FTO: variants seen among roughly 807,000 people sequenced by gnomAD.
FTO encodes alpha-ketoglutarate-dependent dioxygenase FTO.
Under a neutral mutation model 63.9 loss-of-function variants are expected in FTO, and 47 were observed. The observed-to-expected ratio is 0.74, with a 90% CI of 0.58 to 0.94. The LOEUF is 0.94. Ranked by LOEUF, FTO falls within the 40% of genes least tolerant of loss-of-function variation. FTO has a pLI of 0.00. For synonymous variants in FTO, 207 were observed against 224.4 expected (o/e 0.92, Z 0.69); for missense variants, 562 against 618.1 (o/e 0.91, Z 0.96).
At chr16:54,111,709 G>C in intron 8 of FTO, 53 bp from the exon 9 acceptor site, 2 of 1,603,702 alleles carry the variant, frequency 1.2e-6, no homozygotes, top group East Asian at 2.2e-5. Flanking sequence ...TGTGGGTTGG[G>C]GTCTTCTGGG....
chr16:53,770,857 T>C (rs761467427), intron 1 of FTO, among the ~76,000 whole-genome samples: 3 of 152,120 alleles, frequency 2.0e-5, no homozygotes, highest in Non-Finnish European at 2.9e-5. Context: ...GATAGATTTC[T>C]TAAATTCTTC....
chr16:54,004,777 A>G (rs1004376802), intron 8 of FTO, among the ~76,000 whole-genome samples: 5 of 152,170 alleles, frequency 3.3e-5, no homozygotes, highest in Admixed American at 3.3e-4. Context: ...TGAAGTAGAA[A>G]TTCATTGGAG....
At chr16:53,846,822 A>AG (rs1185507760) in intron 4 of FTO, among the ~76,000 whole-genome samples, 1 of 147,720 alleles carries the variant, frequency 6.8e-6, no homozygotes, top group Non-Finnish European at 1.5e-5. Context: ...AAAAAAAAAA[A>AG]GTAAATAAGT....
At chr16:53,964,623 C>CA (rs1346270006) in intron 8 of FTO, among the ~76,000 whole-genome samples, 2 of 152,168 alleles carry the variant, frequency 1.3e-5, no homozygotes, top group African/African-American at 4.8e-5. Context: ...TCCCAGACTT[C>CA]AAATTGCAGT....
At chr16:54,073,055 A>G (rs1476632181) in intron 8 of FTO, among the ~76,000 whole-genome samples, 1 of 152,230 alleles carries the variant, frequency 6.6e-6, no homozygotes, top group East Asian at 1.9e-4. Flanking sequence ...AAATCAAGTG[A>G]GTTAAAACAC....
In FTO at chr16:53,831,281, C is replaced by CT. The variant is rs558495983; in HGVS notation, c.751+4798dup. On this transcript the variant is annotated intron_variant, in intron 3 of 8. Transcript: ENST00000471389. ...AAATCTCAAAGCTTATTTGACCTAG[C>CT]TTTTTTTTATTGTATCATGCTATGC... Among the ~76,000 whole-genome samples, 616 of 152,096 alleles carry CT rather than the reference C, an allele frequency of 4.1e-3. 5 individuals are homozygous for CT. The highest frequency in any genetic ancestry group is 0.01 in the Middle Eastern group (3 of 294).
At chr16:53,928,626 C>T (rs1004608677) in intron 7 of FTO, among the ~76,000 whole-genome samples, 2 of 152,012 alleles carry the variant, frequency 1.3e-5, no homozygotes, top group Admixed American at 1.3e-4. Flanking sequence ...TTTTTTGTAA[C>T]AGAATTTGTT....
intron 8 of FTO, among the ~76,000 whole-genome samples, chr16:53,996,195 C>T (rs2083929223): frequency 6.6e-6 from 1 of 152,176 alleles, no homozygotes; most frequent in Non-Finnish European, 1.5e-5. Flanking sequence ...CAATAAGAAG[C>T]ACCCCGATGG....
At position 54,019,021 on chromosome 16, in the gene FTO, T is replaced by C. The variant is rs186038699; in HGVS notation, c.1364+84912T>C. Among the ~76,000 whole-genome samples the C allele has an allele frequency of 2.3e-3, 354 of 152,338 alleles. 12 individuals carry two copies. Among genetic ancestry groups the C allele is most frequent in the Non-Finnish European group, 5.4e-4 (37 of 68,030 alleles). ...TAGGCCCAATGATGCGATTGGAGAC[T>C]TGAGTTCTTTTCTTCAGTTTCTGCC... On this transcript the variant is annotated intron_variant, in intron 8 of 8. Coordinates refer to ENST00000471389, the MANE Select transcript of FTO (RefSeq NM_001080432.3).
At position 53,883,467 on chromosome 16, in the gene FTO, A is replaced by G. The variant is rs949680963; in HGVS notation, c.1119+3480A>G. On this transcript the variant is annotated intron_variant, in intron 6 of 8. Transcript: ENST00000471389. ...GAAACCCCGTTTCTACTAAAAATACAAAAAGTTAGCCAGGTGTGGTGGCGG... is the reference window on the plus strand; with the variant it reads ...GAAACCCCGTTTCTACTAAAAATACGAAAAGTTAGCCAGGTGTGGTGGCGG... Among the ~76,000 whole-genome samples the G allele has an allele frequency of 7.2e-5, 11 of 152,168 alleles. 1 individual carries two copies. Among genetic ancestry groups the G allele is most frequent in the Admixed American group, 5.2e-4 (8 of 15,284 alleles).
chr16:53,900,698 A>G (rs1032369244), intron 7 of FTO, among the ~76,000 whole-genome samples: 10 of 146,656 alleles, frequency 6.8e-5, no homozygotes, highest in African/African-American at 2.6e-4. Context: ...ATAAGGCACA[A>G]GGCAGTAAGT....
chr16:53,930,260 C>T (rs1258253939), intron 7 of FTO, among the ~76,000 whole-genome samples: 4 of 111,704 alleles, frequency 3.6e-5, no homozygotes, highest in South Asian at 3.0e-4. Flanking sequence ...GACAGAGTCT[C>T]GCTCCCAGGC....
chr16:53,962,141 C>T (rs2083096114), intron 8 of FTO, among the ~76,000 whole-genome samples: 1 of 152,182 alleles, frequency 6.6e-6, no homozygotes, highest in Non-Finnish European at 1.5e-5. Context: ...AGTGAAATCT[C>T]TGAGGCCTCT....
chr16:53,749,168 C>T (rs554851408), intron 1 of FTO, among the ~76,000 whole-genome samples: 2 of 152,274 alleles, frequency 1.3e-5, no homozygotes, highest in East Asian at 3.9e-4. Flanking sequence ...ATTTTGTATC[C>T]TGCAGCTTAA....
chr16:54,041,926 T>A (rs542632720), intron 8 of FTO, among the ~76,000 whole-genome samples: 1 of 152,256 alleles, frequency 6.6e-6, no homozygotes, highest in Non-Finnish European at 1.5e-5. Context: ...GGGAGAAGAT[T>A]TATGTCCTGC....
chr16:53,972,355 T>A (rs140207286), intron 8 of FTO, among the ~76,000 whole-genome samples: 18 of 152,258 alleles, frequency 1.2e-4, no homozygotes, highest in African/African-American at 4.1e-4. Context: ...TCCAATATCA[T>A]CCTTCATCTC....
intron 8 of FTO, among the ~76,000 whole-genome samples, chr16:54,015,511 CA>C: frequency 2.5e-5 from 1 of 39,736 alleles, no homozygotes; most frequent in African/African-American, 4.9e-4. Context: ...ATCTCCATGG[CA>C]CAAATGCCCA....
intron 8 of FTO, chr16:54,071,932 C>T (rs545478116): frequency 3.9e-5 from 6 of 152,166 alleles, no homozygotes; most frequent in African/African-American, 7.2e-5. Flanking sequence ...TAGGGGGTGC[C>T]GCCCCTACGT....
At chr16:53,785,067 A>G (rs1314306255) in intron 1 of FTO, among the ~76,000 whole-genome samples, 1 of 152,216 alleles carries the variant, frequency 6.6e-6, no homozygotes, top group Non-Finnish European at 1.5e-5. Context: ...CATTATCATT[A>G]TATATTAATA....
Sources: allele counts gnomAD v4.1 joint callset (sites outside exome capture counted in the v4.1 genomes callset), GRCh38; gene constraint gnomAD v4.1.1; transcripts MANE v1.5; gene names NCBI Gene and HGNC (gene_info 2026-07-23, HGNC 2026-07-21).